CCDC148: variants seen among roughly 807,000 people sequenced by gnomAD.
CCDC148 encodes coiled-coil domain containing 148.
Under a neutral mutation model 85.7 loss-of-function variants are expected in CCDC148, and 89 were observed. That is an observed-to-expected ratio of 1.04 (90% CI 0.87 to 1.24). The LOEUF (loss-of-function observed/expected upper bound fraction) is 1.24. Among genes scored for constraint, CCDC148 ranks in the 50% most tolerant of loss-of-function variants. The probability of loss-of-function intolerance (pLI) is 0.00; values close to 1 mark genes in which losing one functional copy is unlikely to be tolerated. For synonymous variants in CCDC148, 230 were observed against 213.9 expected, an observed-to-expected ratio of 1.08 and a Z score of -0.66; for missense variants, 692 against 671.7, an observed-to-expected ratio of 1.03 and a Z score of -0.33.
intron 11 of CCDC148, among the ~76,000 whole-genome samples, chr2:158,212,629 T>C (rs563388789): frequency 6.6e-6 from 1 of 152,308 alleles, no homozygotes; most frequent in East Asian, 1.9e-4. Context: ...TTTACTGTTT[T>C]ACAATACAGG....
intron 7 of CCDC148, among the ~76,000 whole-genome samples, chr2:158,334,228 G>T (rs911199620): frequency 2.0e-5 from 3 of 152,086 alleles, no homozygotes; most frequent in Admixed American, 6.6e-5. Context: ...GCTCATTACT[G>T]GTTCCTGCAG....
intron 1 of CCDC148, among the ~76,000 whole-genome samples, chr2:158,399,563 A>G (rs1313000170): frequency 6.6e-6 from 1 of 152,198 alleles, no homozygotes; most frequent in Non-Finnish European, 1.5e-5. Context: ...AAGGCATTCG[A>G]CAAAATTCAA....
At chr2:158,427,673 C>T (rs1489831648) in intron 1 of CCDC148, among the ~76,000 whole-genome samples, 1 of 151,948 alleles carries the variant, frequency 6.6e-6, no homozygotes, top group Non-Finnish European at 1.5e-5. Flanking sequence ...AGTTCGAGAC[C>T]AGCCTGGGCA....
intron 7 of CCDC148, among the ~76,000 whole-genome samples, chr2:158,314,297 T>C (rs887188349): frequency 2.0e-5 from 3 of 152,202 alleles, no homozygotes; most frequent in South Asian, 2.1e-4. Context: ...GAGAAAAGTA[T>C]AAATGTAGAC....
At chr2:158,201,291 CA>C (rs563407086) in intron 11 of CCDC148, among the ~76,000 whole-genome samples, 54 of 152,142 alleles carry the variant, frequency 3.5e-4, no homozygotes, top group Non-Finnish European at 6.9e-4. Flanking sequence ...TTCGAAGTCT[CA>C]ATACCAGTGT....
At chr2:158,301,625 C>T (rs545803520) in intron 9 of CCDC148, among the ~76,000 whole-genome samples, 88 of 152,248 alleles carry the variant, frequency 5.8e-4, no homozygotes, top group African/African-American at 2.0e-3. Context: ...AAGGCTCCAG[C>T]GTTTTAAAGT....
At chr2:158,351,727 G>C (rs2105257389) in intron 2 of CCDC148, among the ~76,000 whole-genome samples, 1 of 152,258 alleles carries the variant, frequency 6.6e-6, no homozygotes, top group South Asian at 2.1e-4. Flanking sequence ...GCCCACCACA[G>C]CTCAAGGAGG....
chr2:158,196,583 C>T (rs997098755), intron 11 of CCDC148, among the ~76,000 whole-genome samples: 5 of 152,128 alleles, frequency 3.3e-5, no homozygotes, highest in Non-Finnish European at 7.4e-5. Flanking sequence ...CTCACTGCCC[C>T]CAATCTGCTT....
chr2:158,319,525 T>C (rs1692429198), intron 7 of CCDC148, among the ~76,000 whole-genome samples: 1 of 152,164 alleles, frequency 6.6e-6, no homozygotes. Flanking sequence ...CAGGAAGTCA[T>C]CTAAATTGCA....
At chr2:158,189,399 T>C (rs970188733) in intron 11 of CCDC148, among the ~76,000 whole-genome samples, 5 of 151,940 alleles carry the variant, frequency 3.3e-5, no homozygotes, top group Non-Finnish European at 7.4e-5. Context: ...CAAGAGGACA[T>C]GTATCTAGCT....
At chr2:158,278,848 C>A (rs1438424440) in intron 9 of CCDC148, among the ~76,000 whole-genome samples, 1 of 152,242 alleles carries the variant, frequency 6.6e-6, no homozygotes, top group African/African-American at 2.4e-5. Context: ...CGACCCCTGA[C>A]CCCTGAGCAG....
intron 9 of CCDC148, among the ~76,000 whole-genome samples, chr2:158,265,625 G>A (rs1486894056): frequency 6.6e-6 from 1 of 152,002 alleles, no homozygotes; most frequent in Admixed American, 6.6e-5. Context: ...ATCTCCCTTG[G>A]CTAGCTGGGT....
At chr2:158,398,252 G>C (rs1685618565) in intron 1 of CCDC148, among the ~76,000 whole-genome samples, 1 of 152,052 alleles carries the variant, frequency 6.6e-6, no homozygotes, top group South Asian at 2.1e-4. Flanking sequence ...TTCAGGACTT[G>C]AACTCAGCTC....
At chr2:158,328,817 G>A (rs888059221) in intron 7 of CCDC148, among the ~76,000 whole-genome samples, 1 of 152,298 alleles carries the variant, frequency 6.6e-6, no homozygotes, top group East Asian at 1.9e-4. Flanking sequence ...GTCTTCTTTT[G>A]AGAAGTGTCT....
At chr2:158,318,955 G>C (rs146432510) in intron 7 of CCDC148, among the ~76,000 whole-genome samples, 1 of 152,116 alleles carries the variant, frequency 6.6e-6, no homozygotes, top group East Asian at 1.9e-4. Flanking sequence ...TTTCAGTAGA[G>C]ATGGGGTCTT....
In CCDC148 at chr2:158,302,654, C is replaced by T. The variant is rs1246476906; in HGVS notation, c.1110+6779G>A. 7.9e-5 allele frequency among the ~76,000 whole-genome samples: 12 copies of T among 151,834 alleles called. No individual in the cohort carries two copies. In the East Asian group the frequency reaches 2.1e-3, roughly 27 times the overall value. On this transcript the variant is annotated intron_variant, in intron 9 of 13. Transcript: ENST00000283233. Reference sequence around the variant, plus strand: ...CAAAAATTAGCTGGGTGTGGTGGCACATGCCTGTAATCCCAGCTCCTCAGG... The same window carrying T: ...CAAAAATTAGCTGGGTGTGGTGGCATATGCCTGTAATCCCAGCTCCTCAGG...
chr2:158,202,276 A>G (rs775800079), intron 11 of CCDC148, among the ~76,000 whole-genome samples: 8 of 152,178 alleles, frequency 5.3e-5, no homozygotes, highest in African/African-American at 2.4e-5. Flanking sequence ...AGAAGCTTAT[A>G]AGTTTGCTCT....
In CCDC148 at chr2:158,313,739, G is replaced by A; in HGVS notation, c.903+17C>T. On this transcript the variant is annotated intron_variant, in intron 8 of 13. Coordinates refer to ENST00000283233, the MANE Select transcript of CCDC148 (RefSeq NM_138803.4). ...AACAATTTAACTTGCCAGTATGTAG[G>A]TAGGTCCAGTACTCACCAAATCATG... is the stretch of plus-strand genomic sequence containing the variant. The A allele has an allele frequency of 7.5e-6, 12 of 1,596,606 alleles. No homozygotes were observed. Among genetic ancestry groups the A allele is most frequent in the Non-Finnish European group, 1.0e-5 (12 of 1,171,526 alleles).
At chr2:158,406,620 T>TTTCTGTTTTTTTTTTTTTGTTTTG (rs1203346762) in intron 1 of CCDC148, among the ~76,000 whole-genome samples, 1 of 98,408 alleles carries the variant, frequency 1.0e-5, no homozygotes, top group Non-Finnish European at 2.2e-5. Flanking sequence ...TTTCTTTTTT[T>TTTCTGTTTTTTTTTTTTTGTTTTG]TTTTTTTTTT....
Sources: gnomAD v4.1 joint callset for allele counts (sites outside exome capture counted in the v4.1 genomes callset) on GRCh38, gnomAD v4.1.1 for gene constraint, MANE v1.5 for transcripts, NCBI Gene and HGNC (gene_info 2026-07-23, HGNC 2026-07-21) for gene names.